UBL3: variants seen among roughly 807,000 people sequenced by gnomAD.
The protein encoded by UBL3 is ubiquitin like 3, also known as ubiquitin-like protein 3.
A neutral mutation model predicts 18.4 loss-of-function variants in UBL3; 6 were observed. The ratio of observed to expected loss-of-function variants is 0.33; its 90% CI spans 0.18 to 0.64. The LOEUF is 0.64. UBL3 is among the 30% of genes least tolerant of loss of function. The pLI is 0.76. For synonymous variants in UBL3, 49 were observed against 46.6 expected (o/e 1.05, Z -0.21); for missense variants, 109 against 142.9 (o/e 0.76, Z 1.21).
chr13:29,805,158 G>A (rs976784924), intron 1 of UBL3, among the ~76,000 whole-genome samples: 8 of 152,116 alleles, frequency 5.3e-5, no homozygotes, highest in Non-Finnish European at 1.0e-4. Context: ...CAATAATTAA[G>A]AGGTATTTAA....
At chr13:29,785,458 A>C (rs1877289325) in intron 1 of UBL3, among the ~76,000 whole-genome samples, 1 of 152,206 alleles carries the variant, frequency 6.6e-6, no homozygotes, top group Non-Finnish European at 1.5e-5. Context: ...CATCATATTA[A>C]AACAGCTACT....
intron 1 of UBL3, among the ~76,000 whole-genome samples, chr13:29,812,646 T>C (rs150843019): frequency 6.6e-6 from 1 of 152,142 alleles, no homozygotes; most frequent in East Asian, 1.9e-4. Flanking sequence ...AAAATTGATA[T>C]ATGAGATTCA....
At chr13:29,810,072 A>T (rs1878003118) in intron 1 of UBL3, among the ~76,000 whole-genome samples, 1 of 152,236 alleles carries the variant, frequency 6.6e-6, no homozygotes, top group East Asian at 1.9e-4. Flanking sequence ...TGTATATTTT[A>T]GGAGTAAAAA....
chr13:29,808,258 G>A, intron 1 of UBL3, among the ~76,000 whole-genome samples: 1 of 152,084 alleles, frequency 6.6e-6, no homozygotes. Flanking sequence ...AGGTGTCATA[G>A]TATTCTTATT....
At position 29,767,170 on chromosome 13, in the gene UBL3, C is replaced by T. The variant is rs535795586; in HGVS notation, c.*85G>A. The T allele has an allele frequency of 1.7e-5, 25 of 1,473,606 alleles. No homozygotes were observed. Among genetic ancestry groups the T allele is most frequent in the Admixed American group, 7.1e-5 (4 of 56,634 alleles). The allele number at this position is 1,473,606 out of a possible 1,614,324, so 91.3% of individuals were successfully genotyped here. On this transcript the variant is annotated 3_prime_UTR_variant, in exon 5 of 5. Transcript: ENST00000380680. ...GTGTTTACAGGCAGACTGTTCTGAA[C>T]GGTTTCTGAAGCAATGTCGGGTCTT...
intron 1 of UBL3, among the ~76,000 whole-genome samples, chr13:29,844,237 T>C (rs529661028): frequency 2.0e-5 from 3 of 152,238 alleles, no homozygotes; most frequent in South Asian, 2.1e-4. Context: ...ATTCACATAG[T>C]ATGAATAGAA....
At chr13:29,835,169 T>A (rs1347389150) in intron 1 of UBL3, among the ~76,000 whole-genome samples, 7 of 63,070 alleles carry the variant, frequency 1.1e-4, no homozygotes, top group South Asian at 5.1e-4. Context: ...TATATATATA[T>A]ATATATATAT....
chr13:29,792,440 C>T (rs1479216343), intron 1 of UBL3, among the ~76,000 whole-genome samples: 1 of 152,190 alleles, frequency 6.6e-6, no homozygotes, highest in Non-Finnish European at 1.5e-5. Context: ...TCATCCTATT[C>T]TTTACAGTAT....
intron 1 of UBL3, among the ~76,000 whole-genome samples, chr13:29,824,553 G>A (rs1593670079): frequency 6.6e-6 from 1 of 152,062 alleles, no homozygotes; most frequent in African/African-American, 2.4e-5. Context: ...TGTTGCTGGG[G>A]TTGTTTTTTT....
At chr13:29,770,379 C>A (rs556699328) in intron 3 of UBL3, among the ~76,000 whole-genome samples, 7 of 152,082 alleles carry the variant, frequency 4.6e-5, no homozygotes, top group Admixed American at 1.3e-4. Context: ...CACAGAATTA[C>A]AATAATAATT....
intron 1 of UBL3, among the ~76,000 whole-genome samples, chr13:29,822,575 T>A (rs1392375999): frequency 1.3e-5 from 2 of 152,148 alleles, no homozygotes; most frequent in Non-Finnish European, 2.9e-5. Context: ...CTCCATAGAA[T>A]CACCTGAGGT....
intron 1 of UBL3, among the ~76,000 whole-genome samples, chr13:29,825,677 T>C (rs1029104003): frequency 1.3e-5 from 2 of 152,178 alleles, no homozygotes; most frequent in Non-Finnish European, 2.9e-5. Context: ...TTTTCCTAAT[T>C]GAATACCCTT....
At chr13:29,827,528 C>G (rs1209874654) in intron 1 of UBL3, among the ~76,000 whole-genome samples, 1 of 152,106 alleles carries the variant, frequency 6.6e-6, no homozygotes, top group African/African-American at 2.4e-5. Flanking sequence ...TTTCTATTTG[C>G]TTGGCAGATC....
intron 1 of UBL3, among the ~76,000 whole-genome samples, chr13:29,812,812 G>A (rs1878129583): frequency 6.6e-6 from 1 of 151,796 alleles, no homozygotes; most frequent in Admixed American, 6.6e-5. Context: ...TGAAGACTTA[G>A]TATGAAAAAA....
intron 1 of UBL3, among the ~76,000 whole-genome samples, chr13:29,798,588 A>G (rs190232287): frequency 7.2e-5 from 11 of 152,270 alleles, no homozygotes; most frequent in Non-Finnish European, 1.5e-4. Flanking sequence ...CATTCTACAA[A>G]TTTTTCACAG....
chr13:29,778,348 T>C (rs1877054680), intron 1 of UBL3, among the ~76,000 whole-genome samples: 1 of 152,212 alleles, frequency 6.6e-6, no homozygotes, highest in Non-Finnish European at 1.5e-5. Flanking sequence ...GTAATTAATT[T>C]AATATTATTT....
rs1412174088 is a variant in UBL3, at chr13:29,847,769, T to C, written c.27+1743A>G. 9.9e-5 allele frequency among the ~76,000 whole-genome samples: 15 copies of C among 152,214 alleles called. No homozygotes were observed. In the East Asian group the frequency reaches 2.9e-3, roughly 29 times the overall value. On this transcript the variant is annotated intron_variant, in intron 1 of 4. Coordinates refer to ENST00000380680, the MANE Select transcript of UBL3 (RefSeq NM_007106.4). ...TTGCTCGAGGCGATGAACCCACAGA[T>C]CACTCATCAAACAAGGGAAATAGCA...
chr13:29,846,983 A>C (rs1371650648), intron 1 of UBL3, among the ~76,000 whole-genome samples: 1 of 152,210 alleles, frequency 6.6e-6, no homozygotes, highest in African/African-American at 2.4e-5. Context: ...GAGCTCTTCA[A>C]GGTTTGGAGC....
chr13:29,849,690 C>G lies in UBL3; in HGVS notation c.-152G>C. 1 of 989,664 alleles carries G rather than the reference C, an allele frequency of 1.0e-6. No individual in the cohort carries two copies. Among genetic ancestry groups the G allele is most frequent in the Admixed American group, 2.2e-5 (1 of 46,192 alleles). 61.3% of individuals were successfully genotyped at this position (989,664 alleles called of 1,614,324 possible). ...ATAAAGTTATTTTGGAGCCAAAGTG[C>G]CGGTCAGGCCGAGGTTCTGGTTCGA... is the stretch of plus-strand genomic sequence containing the variant. On this transcript the variant is annotated 5_prime_UTR_variant, in exon 1 of 5. Transcript: ENST00000380680.
Sources: allele counts gnomAD v4.1 joint callset (sites outside exome capture counted in the v4.1 genomes callset), GRCh38; gene constraint gnomAD v4.1.1; transcripts MANE v1.5; gene names NCBI Gene and HGNC (gene_info 2026-07-23, HGNC 2026-07-21).